Variants in NPY1R observed in about 807,000 individuals in gnomAD.
NPY1R encodes the protein neuropeptide Y receptor type 1.
NPY1R carries 10 observed loss-of-function variants against 24.1 expected under a neutral mutation model. The observed-to-expected ratio is 0.42, with a 90% CI of 0.26 to 0.71. NPY1R has a LOEUF of 0.71. Among genes scored for constraint, NPY1R ranks in the 30% least tolerant of loss-of-function variants. The pLI, the probability that NPY1R is intolerant of heterozygous loss-of-function variation, is 0.28. For missense variants in NPY1R, 350 were observed against 458.0 expected, an observed-to-expected ratio of 0.76 and a Z score of 2.15; for synonymous variants, 168 against 165.9, an observed-to-expected ratio of 1.01 and a Z score of -0.10.
chr4:163,340,956 C>G (rs1734965750), intron 1 of NPY1R, among the ~76,000 whole-genome samples: 1 of 152,076 alleles, frequency 6.6e-6, no homozygotes, highest in African/African-American at 2.4e-5. Context: ...GCTTAAGGAG[C>G]ACAGTGTTTA....
At chr4:163,333,411 T>A (rs1734777576), upstream of NPY1R, among the ~76,000 whole-genome samples, 1 of 152,148 alleles carries the variant, frequency 6.6e-6, no homozygotes, top group African/African-American at 2.4e-5. Context: ...CACACTGATC[T>A]TAGATGTTTT....
chr4:163,344,621 A>T (rs1735139229), exon 1 of NPY1R: 7 of 152,234 alleles, frequency 4.6e-5, no homozygotes, highest in Admixed American at 3.9e-4. Context: ...CCTGTTTGCG[A>T]GGTGTCTTCA....
chr4:163,325,919 G>A lies in NPY1R; in HGVS notation c.636C>T (p.Thr212=). 6.2e-7 allele frequency: 1 copy of A among 1,613,932 alleles called. No homozygotes were observed. ...FPSDSHRLSY[T]TLLLVLQYFG... ...AATACTGCAGCACCAAGAGGAGAGT[G>A]GTATAAGACAACCTATGAGAGTCCG... The change falls in exon 2 of 3, where the codon ACC becomes ACT. Residue 212 remains threonine (T), a synonymous_variant. Coordinates refer to ENST00000296533, the MANE Select transcript of NPY1R (RefSeq NM_000909.6).
rs762465061 is a variant in NPY1R at position 163,325,409 on chromosome 4, AT to A, written c.1048del (p.Ile350Ter). ...ATCTGTGTGCATCGTGGACATGGCT[AT>A]TGTTTCATAATCATCATCCCGAGAC... ...FRSRDDDYET[I>X]AMSTMHTDVS... On this transcript the variant is annotated frameshift_variant, in exon 3 of 3. Transcript: ENST00000296533. LOFTEE classifies it high-confidence loss of function. 1 of 1,614,098 alleles carries A rather than the reference AT, an allele frequency of 6.2e-7. No homozygotes were observed. The highest frequency in any genetic ancestry group is 8.5e-7 in the Non-Finnish European group (1 of 1,179,956).
At chr4:163,327,576 G>A (rs1380350756) in intron 1 of NPY1R, among the ~76,000 whole-genome samples, 1 of 152,090 alleles carries the variant, frequency 6.6e-6, no homozygotes, top group African/African-American at 2.4e-5. Context: ...TATTGTGTGG[G>A]AGATTCTAAC....
Position 163,338,136 on chromosome 4 carries a change from T to A in NPY1R, c.-152+6169A>T, listed in dbSNP as rs575734553. ...ATTTCCATCTACTTCTTAGGCTTTT[T>A]TTTCCCCCTAGGATCCTGTTATGTA... On this transcript the variant is annotated intron_variant, in intron 1 of 1. Transcript: ENST00000511901. 4.0e-5 allele frequency among the ~76,000 whole-genome samples: 6 copies of A among 148,236 alleles called. No individual in the cohort carries two copies. In the East Asian group the frequency reaches 1.2e-3, roughly 30 times the overall value.
At chr4:163,336,720 G>T (rs1734846659), upstream of NPY1R, among the ~76,000 whole-genome samples, 1 of 152,216 alleles carries the variant, frequency 6.6e-6, no homozygotes, top group African/African-American at 2.4e-5. Context: ...CAGCACTTTG[G>T]GAGGTCAAGG....
intron 1 of NPY1R, among the ~76,000 whole-genome samples, chr4:163,340,833 A>C (rs1312419647): frequency 6.6e-6 from 1 of 152,098 alleles, no homozygotes; most frequent in African/African-American, 2.4e-5. Flanking sequence ...CTATGTGTGT[A>C]TGTATTTTTA....
At chr4:163,334,969 AT>A (rs1734804478), upstream of NPY1R, among the ~76,000 whole-genome samples, 1 of 152,036 alleles carries the variant, frequency 6.6e-6, no homozygotes, top group Non-Finnish European at 1.5e-5. Flanking sequence ...GAAATTAGAC[AT>A]GGTCCAATGG....
chr4:163,340,821 A>G (rs184761847), intron 1 of NPY1R, among the ~76,000 whole-genome samples: 93 of 152,244 alleles, frequency 6.1e-4, no homozygotes, highest in Non-Finnish European at 9.4e-4. Context: ...TCTGTATCAT[A>G]TCTATGTGTG....
chr4:163,335,913 ATAG>A (rs972940670), upstream of NPY1R, among the ~76,000 whole-genome samples: 1 of 152,226 alleles, frequency 6.6e-6, no homozygotes, highest in African/African-American at 2.4e-5. Context: ...CCAATGAAAT[ATAG>A]TTGGTAAAGA....
At chr4:163,327,641 T>C (rs1350519547) in intron 1 of NPY1R, among the ~76,000 whole-genome samples, 1 of 152,158 alleles carries the variant, frequency 6.6e-6, no homozygotes, top group African/African-American at 2.4e-5. Flanking sequence ...ATTTCTAAGG[T>C]ATTATTTATG....
At chr4:163,335,900 A>G (rs2110810888), upstream of NPY1R, among the ~76,000 whole-genome samples, 1 of 152,308 alleles carries the variant, frequency 6.6e-6, no homozygotes, top group Non-Finnish European at 1.5e-5. Flanking sequence ...CCACATTTTA[A>G]AGCCAATGAA....
chr4:163,343,014 ACACACG>A lies in NPY1R; in HGVS notation c.-152+1285_-152+1290del, dbSNP rs1312083085. Among the ~76,000 whole-genome samples, 78 of 131,824 alleles carry A rather than the reference ACACACG, an allele frequency of 5.9e-4. 2 individuals are homozygous for A. Among genetic ancestry groups the A allele is most frequent in the South Asian group, 3.7e-3 (14 of 3,762 alleles). The allele number at this position is 131,824 out of a possible 152,430, so 86.5% of individuals were successfully genotyped here. ...CACACACACACACACACACACACAC[ACACACG>A]CGCGCGCGCCTAAAGTACCTGCCAC... On this transcript the variant is annotated intron_variant, in intron 1 of 1. Coordinates refer to the NPY1R transcript ENST00000511901.
At chr4:163,335,301 CT>C (rs1340497129), upstream of NPY1R, among the ~76,000 whole-genome samples, 1 of 152,150 alleles carries the variant, frequency 6.6e-6, no homozygotes, top group African/African-American at 2.4e-5. Context: ...GAACAACAGT[CT>C]TGCTCTGTGA....
At position 163,326,075 on chromosome 4, in the gene NPY1R, AG is replaced by A; in HGVS notation, c.479del (p.Ala160ValfsTer2). 1 of 1,614,134 alleles carries A rather than the reference AG, an allele frequency of 6.2e-7. No homozygotes were observed. ...PNNRHAYVGI[A>X]VIWVLAVASS... ...AAGCCACAGCAAGGACCCAAATCAC[AG>A]CAATACCTACATAAGCATGTCTATT... is the stretch of plus-strand genomic sequence containing the variant. On this transcript the variant is annotated frameshift_variant, in exon 2 of 3. Transcript: ENST00000296533. LOFTEE classifies it high-confidence loss of function.
In NPY1R at chr4:163,325,741, T is replaced by C. The variant is rs1734589866; in HGVS notation, c.717A>G (p.Lys239=). 1 of 1,596,342 alleles carries C rather than the reference T, an allele frequency of 6.3e-7. No individual in the cohort carries two copies. The highest frequency in any genetic ancestry group is 1.1e-5 in the South Asian group (1 of 90,166). ...ICYFKIYIRL[K]RRNNMMDKMR... ...TCTTGTCCATCATGTTGTTTCTCCTTTTTAGGCGTATATATATCTATGGAA... is the reference window on the plus strand; with the variant it reads ...TCTTGTCCATCATGTTGTTTCTCCTCTTTAGGCGTATATATATCTATGGAA... The change falls in exon 3 of 3, where the codon AAA becomes AAG. Residue 239 remains lysine, a synonymous_variant. Transcript: ENST00000296533.
Position 163,325,475 on chromosome 4 carries a change from T to C in NPY1R, c.983A>G (p.Gln328Arg), listed in dbSNP as rs1416290233. The C allele has an allele frequency of 1.2e-6, 2 of 1,614,034 alleles. No homozygotes were observed. The highest frequency in any genetic ancestry group is 1.7e-6 in the Non-Finnish European group (2 of 1,180,002). Residue 328 changes from glutamine to arginine, a missense_variant, in exon 3 of 3, where the codon CAG becomes CGG. Transcript: ENST00000296533. ...IFYGFLNKNFQRDLQFFFNFC... is the reference protein window; with the variant it reads ...IFYGFLNKNFRRDLQFFFNFC... ...GTTGAAGAAGAACTGCAAGTCTCTCTGGAAGTTTTTGTTCAGGAACCCATA... is the reference window on the plus strand; with the variant it reads ...GTTGAAGAAGAACTGCAAGTCTCTCCGGAAGTTTTTGTTCAGGAACCCATA...
At position 163,325,612 on chromosome 4, in the gene NPY1R, A is replaced by T; in HGVS notation, c.846T>A (p.Phe282Leu). The change falls in exon 3 of 3, where the codon TTT (phenylalanine) becomes TTA (leucine). Residue 282 changes from phenylalanine to leucine, a missense_variant. Coordinates refer to ENST00000296533, the MANE Select transcript of NPY1R (RefSeq NM_000909.6). ...GATGATTCCAATCAAACACAGTGTT[A>T]AAGATGGTAAGAGGGAGCCAGCAGA... ...FAVCWLPLTI[F>L]NTVFDWNHQI... is the part of the protein sequence containing the mutation. The T allele has an allele frequency of 6.2e-7, 1 of 1,613,186 alleles. No homozygotes were observed. The highest frequency in any genetic ancestry group is 8.5e-7 in the Non-Finnish European group (1 of 1,179,958).
Sources: gnomAD v4.1 joint callset for allele counts (sites outside exome capture counted in the v4.1 genomes callset) on GRCh38, gnomAD v4.1.1 for gene constraint, MANE v1.5 for transcripts, NCBI Gene and HGNC (gene_info 2026-07-23, HGNC 2026-07-21) for gene names.